Variants in DPY19L1 observed in about 807,000 individuals in gnomAD.
DPY19L1 encodes the protein dpy-19 like C-mannosyltransferase 1.
Under a neutral mutation model 96.9 loss-of-function variants are expected in DPY19L1, and 35 were observed. That is an observed-to-expected ratio of 0.36 (90% confidence interval 0.28 to 0.48). The LOEUF (loss-of-function observed/expected upper bound fraction) is 0.48. Among genes scored for constraint, DPY19L1 ranks in the 20% least tolerant of loss-of-function variants. The pLI is 0.99. For synonymous variants in DPY19L1, 205 were observed against 252.6 expected (o/e 0.81, Z 1.79); for missense variants, 521 against 777.9 (o/e 0.67, Z 3.93).
intron 6 of DPY19L1, among the ~76,000 whole-genome samples, chr7:35,001,855 G>A (rs1785433768): frequency 6.6e-6 from 1 of 152,098 alleles, no homozygotes; most frequent in Non-Finnish European, 1.5e-5. Flanking sequence ...GCCGGGCACA[G>A]TGGCTCATAC....
intron 3 of DPY19L1, among the ~76,000 whole-genome samples, chr7:35,013,960 C>T (rs1375588814): frequency 3.3e-5 from 5 of 152,108 alleles, no homozygotes; most frequent in Non-Finnish European, 7.4e-5. Context: ...AATAATACGA[C>T]TCAGCATACT....
intron 10 of DPY19L1, among the ~76,000 whole-genome samples, chr7:34,958,565 T>C (rs114515664): frequency 0.017 from 2,602 of 152,056 alleles, 78 homozygotes; most frequent in African/African-American, 0.06. Flanking sequence ...GACATCCTTA[T>C]GTGTATACCT....
At chr7:35,035,295 C>T (rs1584268491) in intron 1 of DPY19L1, among the ~76,000 whole-genome samples, 1 of 152,174 alleles carries the variant, frequency 6.6e-6, no homozygotes, top group African/African-American at 2.4e-5. Flanking sequence ...AGGGGCAAGT[C>T]AAGCAACGTG....
chr7:34,978,823 C>T (rs990375295), intron 7 of DPY19L1, among the ~76,000 whole-genome samples: 5 of 151,960 alleles, frequency 3.3e-5, no homozygotes, highest in African/African-American at 1.2e-4. Context: ...TGAAATGCTC[C>T]AATGAGAATT....
chr7:34,983,706 G>A (rs181102544), intron 7 of DPY19L1, among the ~76,000 whole-genome samples: 6 of 152,020 alleles, frequency 3.9e-5, no homozygotes, highest in Non-Finnish European at 5.9e-5. Flanking sequence ...AAGGAACAGT[G>A]TCAAAAATCT....
chr7:34,938,167 A>C lies in DPY19L1; in HGVS notation c.1965-48T>G, dbSNP rs775834694. ...ATAAAATTTTCAAGACTAAAACGAT[A>C]CAATAACACATTTGGAAGAAAGCAC... On this transcript the variant is annotated intron_variant, in intron 20 of 21. Transcript: ENST00000638088. 32 of 1,563,462 alleles carry C rather than the reference A, an allele frequency of 2.0e-5. No individual in the cohort carries two copies. The Admixed American group carries it at 5.4e-4, about 26-fold the overall frequency.
chr7:35,017,480 C>T (rs1482314247), intron 3 of DPY19L1, among the ~76,000 whole-genome samples: 1 of 109,076 alleles, frequency 9.2e-6, no homozygotes, highest in Non-Finnish European at 1.8e-5. Context: ...CCGGCCTGGG[C>T]GACAGAGCGA....
chr7:35,005,184 G>C (rs186685169), intron 6 of DPY19L1, among the ~76,000 whole-genome samples: 1 of 151,942 alleles, frequency 6.6e-6, no homozygotes, highest in Admixed American at 6.6e-5. Context: ...TTTAAGGAGA[G>C]TAGTAGGAAC....
At chr7:34,955,715 T>C (rs762948103) in intron 11 of DPY19L1, among the ~76,000 whole-genome samples, 3 of 152,210 alleles carry the variant, frequency 2.0e-5, no homozygotes, top group Non-Finnish European at 4.4e-5. Context: ...GATTTTCCTT[T>C]AGCTAAAAAT....
chr7:35,034,169 T>C (rs1786330641), intron 1 of DPY19L1, among the ~76,000 whole-genome samples: 1 of 152,178 alleles, frequency 6.6e-6, no homozygotes, highest in African/African-American at 2.4e-5. Flanking sequence ...GGTTCTTGTT[T>C]TATTGTTGTG....
At position 34,949,843 on chromosome 7, in the gene DPY19L1, G is replaced by C; in HGVS notation, c.1376C>G (p.Thr459Ser). ...SKFFSYKDFDTLLYTCAAEFD... is the reference protein window; with the variant it reads ...SKFFSYKDFDSLLYTCAAEFD... ...CTCCGCTGCACAGGTATACAATAAA[G>C]TATCAAAATCCTTATAACTAAAGAA... Residue 459 changes from threonine to serine, a missense_variant, in exon 14 of 22, where the codon ACT becomes AGT. By Grantham distance (58) the Thr-to-Ser change is moderately conservative. Coordinates refer to ENST00000638088, the MANE Select transcript of DPY19L1 (RefSeq NM_001366673.1). 1 of 1,602,894 alleles carries C rather than the reference G, an allele frequency of 6.2e-7. No individual in the cohort carries two copies. Among genetic ancestry groups the C allele is most frequent in the South Asian group, 1.1e-5 (1 of 88,196 alleles).
rs1783705344 is a variant in DPY19L1, at chr7:34,929,489, C to CT, written c.*2083dup. ...AGCAGTTATAATAGTATTTTTAATG[C>CT]TTTTTTCCTATACAGAATTTCTACT... On this transcript the variant is annotated 3_prime_UTR_variant, in exon 22 of 22. Transcript: ENST00000638088. The CT allele has an allele frequency of 6.6e-6, 1 of 152,162 alleles. No homozygotes were observed. The highest frequency in any genetic ancestry group is 1.5e-5 in the Non-Finnish European group (1 of 68,034). The allele number at this position is 152,162 out of a possible 1,614,324, so 9.4% of individuals were successfully genotyped here. A position where few individuals can be genotyped will look rare whatever the true frequency, so the allele number is the denominator to read the frequency against.
rs1371472163 is a variant in DPY19L1 at position 34,941,840 on chromosome 7, A to G, written c.1614T>C (p.Gly538=). ...AGAGTTTTAGTCTCATAATTAAAATACCAAGGGCTGTATATGCTAACAATT... is the reference window on the plus strand; with the variant it reads ...AGAGTTTTAGTCTCATAATTAAAATGCCAAGGGCTGTATATGCTAACAATT... ...ALQLLAYTAL[G]ILIMRLKLFL... Residue 538 remains glycine (G), a synonymous_variant, in exon 18 of 22, where the codon GGT becomes GGC. Coordinates refer to ENST00000638088, the MANE Select transcript of DPY19L1 (RefSeq NM_001366673.1). 2 of 1,584,558 alleles carry G rather than the reference A, an allele frequency of 1.3e-6. No homozygotes were observed. The highest frequency in any genetic ancestry group is 1.9e-5 in the Admixed American group (1 of 52,484).
intron 8 of DPY19L1, among the ~76,000 whole-genome samples, chr7:34,970,378 C>T (rs970821631): frequency 6.6e-6 from 1 of 152,098 alleles, no homozygotes; most frequent in Admixed American, 6.5e-5. Context: ...CTTTTAAACT[C>T]CAGATAACCT....
At chr7:34,966,164 C>A (rs1334044704) in intron 10 of DPY19L1, among the ~76,000 whole-genome samples, 2 of 151,964 alleles carry the variant, frequency 1.3e-5, no homozygotes, top group African/African-American at 4.8e-5. Flanking sequence ...CTTCTAACAT[C>A]CTACATAATT....
intron 3 of DPY19L1, among the ~76,000 whole-genome samples, chr7:35,016,734 AG>A (rs1785856431): frequency 6.6e-6 from 1 of 152,190 alleles, no homozygotes; most frequent in Non-Finnish European, 1.5e-5. Context: ...AGCACCACCT[AG>A]GAAGTATTCC....
chr7:35,019,390 T>C (rs1584259445), intron 1 of DPY19L1, among the ~76,000 whole-genome samples: 1 of 152,144 alleles, frequency 6.6e-6, no homozygotes, highest in Non-Finnish European at 1.5e-5. Flanking sequence ...AGCAGTGTGC[T>C]ATGACTATGA....
intron 1 of DPY19L1, among the ~76,000 whole-genome samples, chr7:35,023,814 ATTCTTTTTC>A (rs1786052552): frequency 7.9e-6 from 1 of 125,912 alleles, no homozygotes; most frequent in South Asian, 2.5e-4. Flanking sequence ...GAAGAAATAT[ATTCTTTTTC>A]TTTTCTTTTC....
chr7:34,963,402 C>T (rs2128788611), intron 10 of DPY19L1, among the ~76,000 whole-genome samples: 1 of 152,268 alleles, frequency 6.6e-6, no homozygotes, highest in South Asian at 2.1e-4. Flanking sequence ...AAATGTACCG[C>T]TACTATGGAA....
Sources: gnomAD v4.1 joint callset for allele counts (sites outside exome capture counted in the v4.1 genomes callset) on GRCh38, gnomAD v4.1.1 for gene constraint, MANE v1.5 for transcripts, NCBI Gene and HGNC (gene_info 2026-07-23, HGNC 2026-07-21) for gene names.